TMPRSS15: variants seen among roughly 807,000 people sequenced by gnomAD.
The protein encoded by TMPRSS15 is transmembrane serine protease 15.
A neutral mutation model predicts 125.3 loss-of-function variants in TMPRSS15; 128 were observed. The observed-to-expected ratio is 1.02, with a 90% CI of 0.89 to 1.18. TMPRSS15 has a LOEUF of 1.18. Among genes scored for constraint, TMPRSS15 ranks in the 50% most tolerant of loss-of-function variants. TMPRSS15 has a pLI of 0.00. For missense variants in TMPRSS15, 1,283 were observed against 1,212.7 expected (o/e 1.06, Z -0.86); for synonymous variants, 446 against 423.2 (o/e 1.05, Z -0.66).
intron 1 of TMPRSS15, among the ~76,000 whole-genome samples, chr21:18,452,089 A>G (rs868558101): frequency 3.9e-5 from 6 of 152,254 alleles, no homozygotes; most frequent in Middle Eastern, 6.8e-3. Context: ...CTGAGAAACT[A>G]CTTTCCACAT....
chr21:18,476,891 G>T (rs1171531958), intron 1 of TMPRSS15, among the ~76,000 whole-genome samples: 2 of 149,980 alleles, frequency 1.3e-5, no homozygotes, highest in African/African-American at 2.5e-5. Flanking sequence ...GGGTACTTCT[G>T]CAATTCTCTC....
intron 1 of TMPRSS15, among the ~76,000 whole-genome samples, chr21:18,440,117 G>A (rs1218225387): frequency 1.3e-5 from 2 of 152,062 alleles, no homozygotes; most frequent in Non-Finnish European, 2.9e-5. Flanking sequence ...GCTCACGCCT[G>A]TAATCCCAGC....
At chr21:18,328,989 G>A (rs1020767217) in intron 15 of TMPRSS15, among the ~76,000 whole-genome samples, 180 bp downstream of exon 15, 11 of 152,094 alleles carry the variant, frequency 7.2e-5, no homozygotes, top group African/African-American at 1.2e-4. Flanking sequence ...AAAATATTCC[G>A]TTGTCACTAT....
At chr21:18,304,404 T>C (rs1355475020) in intron 18 of TMPRSS15, among the ~76,000 whole-genome samples, 1 of 152,194 alleles carries the variant, frequency 6.6e-6, no homozygotes, top group Non-Finnish European at 1.5e-5. Context: ...GACTACTCTG[T>C]CAGAATGACC....
At chr21:18,292,225 A>T (rs1335262752) in intron 21 of TMPRSS15, among the ~76,000 whole-genome samples, 1 of 152,256 alleles carries the variant, frequency 6.6e-6, no homozygotes, top group East Asian at 1.9e-4. Flanking sequence ...AGCCTAGTTT[A>T]GTATTTACAT....
At chr21:18,418,673 G>C (rs917680517) in intron 1 of TMPRSS15, among the ~76,000 whole-genome samples, 2 of 152,066 alleles carry the variant, frequency 1.3e-5, no homozygotes, top group Non-Finnish European at 2.9e-5. Context: ...AAACGTTATA[G>C]CTGCTACTTA....
intron 24 of TMPRSS15, among the ~76,000 whole-genome samples, chr21:18,272,788 T>C (rs2074574917): frequency 6.6e-6 from 1 of 152,196 alleles, no homozygotes; most frequent in Non-Finnish European, 1.5e-5. Context: ...AAAATATGCA[T>C]GAATTTACAG....
intron 13 of TMPRSS15, among the ~76,000 whole-genome samples, chr21:18,336,509 T>C (rs2075394467): frequency 6.6e-6 from 1 of 152,242 alleles, no homozygotes; most frequent in Admixed American, 6.5e-5. Flanking sequence ...ATTTATGTTT[T>C]CATTAACAAG....
chr21:18,354,005 G>C (rs2075600064), intron 8 of TMPRSS15, 142 bp from the exon 9 acceptor site: 1 of 692,566 alleles, frequency 1.4e-6, no homozygotes. Flanking sequence ...TTAACTAAAA[G>C]CATTAGTCTT....
chr21:18,473,826 C>T (rs2207866), intron 1 of TMPRSS15, among the ~76,000 whole-genome samples: 1 of 152,092 alleles, frequency 6.6e-6, no homozygotes, highest in African/African-American at 2.4e-5. Flanking sequence ...AAAATACATT[C>T]TTATAATCTC....
intron 1 of TMPRSS15, among the ~76,000 whole-genome samples, chr21:18,415,962 C>T (rs76175003): frequency 0.035 from 5,369 of 151,940 alleles, 319 homozygotes; most frequent in African/African-American, 0.12. Flanking sequence ...ATGCAGGATA[C>T]AAAATCAACG....
chr21:18,484,766 ACTCT>A (rs924506300), intron 1 of TMPRSS15, among the ~76,000 whole-genome samples: 4 of 151,032 alleles, frequency 2.6e-5, no homozygotes, highest in African/African-American at 9.7e-5. Flanking sequence ...TTCTGTTCCC[ACTCT>A]CTATTTTCTT....
intron 3 of TMPRSS15, among the ~76,000 whole-genome samples, chr21:18,397,109 C>A (rs967308605): frequency 6.6e-6 from 1 of 151,890 alleles, no homozygotes; most frequent in Non-Finnish European, 1.5e-5. Flanking sequence ...TATAAATTTA[C>A]ATTTTTCTTT....
intron 14 of TMPRSS15, 126 bp from the exon 15 acceptor site, chr21:18,329,420 G>A (rs1270805172): frequency 4.7e-6 from 4 of 842,914 alleles, no homozygotes; most frequent in African/African-American, 1.8e-5. Context: ...ATGAAAATCA[G>A]TGTTTCAAGG....
At position 18,281,209 on chromosome 21, in the gene TMPRSS15, C is replaced by T; in HGVS notation, c.2499G>A (p.Glu833=). ...CTAGGATTGCTGTCCACTTGGATGG[C>T]TCTAAGTTTCTCCTGAAAATTGTAA... The part of the protein sequence containing the change: ...AAHCVYGRNL[E]PSKWTAILGL... Residue 833 remains glutamate (E), a synonymous_variant, in exon 22 of 25, where the codon GAG becomes GAA. Coordinates refer to ENST00000284885, the MANE Select transcript of TMPRSS15 (RefSeq NM_002772.3). The T allele has an allele frequency of 1.9e-6, 3 of 1,613,892 alleles. No individual in the cohort carries two copies. Among genetic ancestry groups the T allele is most frequent in the Non-Finnish European group, 2.5e-6 (3 of 1,179,956 alleles).
At chr21:18,417,641 T>C (rs916441230) in intron 1 of TMPRSS15, among the ~76,000 whole-genome samples, 1 of 152,152 alleles carries the variant, frequency 6.6e-6, no homozygotes. Context: ...AAATAGAGCC[T>C]AAACCCCTCA....
At chr21:18,408,674 T>G (rs2123162928), upstream of TMPRSS15, among the ~76,000 whole-genome samples, 1 of 152,286 alleles carries the variant, frequency 6.6e-6, no homozygotes, top group African/African-American at 2.4e-5. Context: ...GTGGTCATCT[T>G]TATTCACACA....
intron 1 of TMPRSS15, among the ~76,000 whole-genome samples, chr21:18,464,117 G>A (rs1366282744): frequency 6.9e-6 from 1 of 145,784 alleles, no homozygotes; most frequent in Non-Finnish European, 1.5e-5. Context: ...AGCTTGCAGT[G>A]AGCTGAGATC....
At chr21:18,359,218 C>G (rs118019419) in intron 8 of TMPRSS15, among the ~76,000 whole-genome samples, 3 of 152,122 alleles carry the variant, frequency 2.0e-5, no homozygotes, top group East Asian at 1.9e-4. Context: ...CTTCCAGCCC[C>G]GTCCATGTGT....
Sources: allele counts gnomAD v4.1 joint callset (sites outside exome capture counted in the v4.1 genomes callset), GRCh38; gene constraint gnomAD v4.1.1; transcripts MANE v1.5; gene names NCBI Gene and HGNC (gene_info 2026-07-23, HGNC 2026-07-21).